Variants in SMYD3 observed in about 807,000 individuals in gnomAD.
The protein encoded by SMYD3 is SET and MYND domain containing 3.
Under a neutral mutation model 57.7 loss-of-function variants are expected in SMYD3, and 36 were observed. The ratio of observed to expected loss-of-function variants is 0.62; its 90% CI spans 0.48 to 0.82. SMYD3 has a LOEUF of 0.82. Ranked by LOEUF, SMYD3 falls within the 40% of genes least tolerant of loss-of-function variation. The pLI is 0.00. For missense variants in SMYD3, 515 were observed against 538.8 expected (o/e 0.96, Z 0.44); for synonymous variants, 211 against 195.0 (o/e 1.08, Z -0.68).
chr1:245,798,503 CA>C (rs2047696640), intron 10 of SMYD3, among the ~76,000 whole-genome samples: 1 of 149,070 alleles, frequency 6.7e-6, no homozygotes, highest in East Asian at 2.0e-4. Flanking sequence ...CACACACACA[CA>C]CCTTGAGCCT....
At chr1:245,882,361 C>T (rs1256680252) in intron 8 of SMYD3, among the ~76,000 whole-genome samples, 2 of 152,148 alleles carry the variant, frequency 1.3e-5, no homozygotes, top group Non-Finnish European at 2.9e-5. Flanking sequence ...CAACAAAAAT[C>T]CCCCATATAT....
rs139579297 is a variant in SMYD3, at chr1:245,890,388, A to G, written c.813+25142T>C. ...AAGGACTTCAAACAACTGAATAAGG[A>G]AAAAAATCTAACAATCTAACAATCT... On this transcript the variant is annotated intron_variant, in intron 8 of 11. Coordinates refer to ENST00000490107, the MANE Select transcript of SMYD3 (RefSeq NM_001167740.2). Among the ~76,000 whole-genome samples the G allele has an allele frequency of 8.5e-5, 13 of 152,332 alleles. No individual in the cohort carries two copies. In the East Asian group the frequency reaches 2.5e-3, roughly 29 times the overall value.
At chr1:245,874,168 G>T (rs181986445) in intron 8 of SMYD3, among the ~76,000 whole-genome samples, 70 of 152,258 alleles carry the variant, frequency 4.6e-4, no homozygotes, top group Non-Finnish European at 6.6e-4. Flanking sequence ...ATAGCACAGA[G>T]AGTCTACAGG....
intron 1 of SMYD3, among the ~76,000 whole-genome samples, chr1:246,493,005 G>C (rs1369309113): frequency 6.6e-6 from 1 of 152,186 alleles, no homozygotes; most frequent in Non-Finnish European, 1.5e-5. Context: ...TGGGTGATAA[G>C]AATTTTCTAA....
chr1:246,354,617 G>A (rs2065881969), intron 2 of SMYD3, among the ~76,000 whole-genome samples: 3 of 146,708 alleles, frequency 2.0e-5, no homozygotes, highest in South Asian at 2.2e-4. Flanking sequence ...AAAAAAAAAA[G>A]TACACAAGAA....
At chr1:245,871,042 G>A (rs1313550687) in intron 8 of SMYD3, among the ~76,000 whole-genome samples, 1 of 152,210 alleles carries the variant, frequency 6.6e-6, no homozygotes, top group Non-Finnish European at 1.5e-5. Flanking sequence ...AGATTGAAGA[G>A]AGATGGAGTA....
chr1:246,326,844 A>C, intron 5 of SMYD3: 1 of 318,310 alleles, frequency 3.1e-6, no homozygotes, highest in Non-Finnish European at 5.7e-6. Flanking sequence ...AACAACCACC[A>C]TAAAACTCAA....
At chr1:246,291,278 G>A (rs2064685003) in intron 5 of SMYD3, among the ~76,000 whole-genome samples, 1 of 152,214 alleles carries the variant, frequency 6.6e-6, no homozygotes, top group African/African-American at 2.4e-5. Context: ...GATGTCTTAT[G>A]AGTGCATTTT....
At chr1:245,871,336 G>A (rs2052178905) in intron 8 of SMYD3, among the ~76,000 whole-genome samples, 1 of 152,306 alleles carries the variant, frequency 6.6e-6, no homozygotes, top group Non-Finnish European at 1.5e-5. Flanking sequence ...AGACATCTGT[G>A]CTGGAACCAA....
chr1:245,767,685 C>T lies in SMYD3; in HGVS notation c.1077-3536G>A, dbSNP rs190643658. Among the ~76,000 whole-genome samples, 3 of 152,250 alleles carry T rather than the reference C, an allele frequency of 2.0e-5. No homozygotes were observed. The East Asian group carries it at 5.8e-4, about 29-fold the overall frequency. ...CCAAAGGGCAGTGAGCATGCTGGTCCGGCCAGCAGAGGAGGGGAGTGGGAA... is the reference window on the plus strand; with the variant it reads ...CCAAAGGGCAGTGAGCATGCTGGTCTGGCCAGCAGAGGAGGGGAGTGGGAA... On this transcript the variant is annotated intron_variant, in intron 10 of 11. Transcript: ENST00000490107.
intron 5 of SMYD3, among the ~76,000 whole-genome samples, chr1:246,262,705 T>C (rs1448598929): frequency 6.6e-6 from 1 of 152,156 alleles, no homozygotes; most frequent in African/African-American, 2.4e-5. Flanking sequence ...TATTAGGTTC[T>C]CAATGAAGAT....
intron 5 of SMYD3, among the ~76,000 whole-genome samples, chr1:246,232,517 C>A (rs977221282): frequency 6.7e-6 from 1 of 149,720 alleles, no homozygotes; most frequent in Non-Finnish European, 1.5e-5. Context: ...GAGAAGCACT[C>A]CTTCAATCCA....
In SMYD3 at chr1:245,915,552, A is replaced by C. The variant is rs952048801; in HGVS notation, c.791T>G (p.Phe264Cys). 3 of 1,613,594 alleles carry C rather than the reference A, an allele frequency of 1.9e-6. No homozygotes were observed. The highest frequency in any genetic ancestry group is 2.7e-5 in the African/African-American group (2 of 74,902). Residue 264 changes from phenylalanine to cysteine, a missense_variant, in exon 8 of 12, where the codon TTC (phenylalanine) becomes TGC (cysteine). By Grantham distance (205) the Phe-to-Cys change is radical. Transcript: ENST00000490107. ...RDQYCFECDC[F>C]RCQTQDKDAD... The stretch of plus-strand genomic sequence containing the variant: ...TACCTTGTCCTGGGTTTGGCAACGG[A>C]AACAGTCACATTCAAAGCAGTACTG...
At chr1:246,421,549 C>G (rs949137779) in intron 1 of SMYD3, among the ~76,000 whole-genome samples, 5 of 151,714 alleles carry the variant, frequency 3.3e-5, no homozygotes, top group African/African-American at 1.2e-4. Context: ...ACAGAGCCCC[C>G]AGGTCTATAT....
chr1:245,806,366 T>C (rs2048143485), intron 10 of SMYD3, among the ~76,000 whole-genome samples: 1 of 152,222 alleles, frequency 6.6e-6, no homozygotes, highest in Admixed American at 6.5e-5. Context: ...ACTTAATCCT[T>C]ATCACAACGC....
chr1:246,193,218 C>T (rs1236967818), intron 5 of SMYD3, among the ~76,000 whole-genome samples: 2 of 152,042 alleles, frequency 1.3e-5, no homozygotes, highest in Admixed American at 1.3e-4. Context: ...AACCTGAGAG[C>T]CACATTGGTA....
intron 1 of SMYD3, among the ~76,000 whole-genome samples, chr1:246,381,247 T>C (rs2066381590): frequency 6.6e-6 from 1 of 152,224 alleles, no homozygotes; most frequent in South Asian, 2.1e-4. Flanking sequence ...TAGCTGGGCT[T>C]ACTGCCACCT....
At chr1:246,021,928 G>C (rs2059478175) in intron 5 of SMYD3, among the ~76,000 whole-genome samples, 1 of 152,146 alleles carries the variant, frequency 6.6e-6, no homozygotes, top group Non-Finnish European at 1.5e-5. Context: ...CTCTTGGAAG[G>C]TTTGACTGGT....
intron 5 of SMYD3, among the ~76,000 whole-genome samples, chr1:246,003,007 C>T (rs1538296): frequency 0.36 from 54,632 of 151,860 alleles, 11,486 homozygotes; most frequent in Non-Finnish European, 0.49. Flanking sequence ...GATGTAAGTG[C>T]GTTCTACACT....
Sources: gnomAD v4.1 joint callset for allele counts (sites outside exome capture counted in the v4.1 genomes callset) on GRCh38, gnomAD v4.1.1 for gene constraint, MANE v1.5 for transcripts, NCBI Gene and HGNC (gene_info 2026-07-23, HGNC 2026-07-21) for gene names.